NXPH1: variants seen among roughly 807,000 people sequenced by gnomAD.
The protein encoded by NXPH1 is neurexophilin-1.
NXPH1 carries 5 observed loss-of-function variants against 23.7 expected under a neutral mutation model. The observed-to-expected ratio is 0.21, with a 90% CI of 0.11 to 0.44. The LOEUF is 0.44. NXPH1 is among the 20% of genes least tolerant of loss of function. The pLI is 0.99. For missense variants in NXPH1, 324 were observed against 321.6 expected (o/e 1.01, Z -0.06); for synonymous variants, 144 against 122.2 (o/e 1.18, Z -1.18).
intron 2 of NXPH1, among the ~76,000 whole-genome samples, chr7:8,596,722 A>C (rs1235047392): frequency 6.6e-6 from 1 of 152,098 alleles, no homozygotes; most frequent in African/African-American, 2.4e-5. Context: ...AGGCACAGAG[A>C]GGTTAGGTGA....
At chr7:8,731,282 T>A (rs1480040701) in intron 2 of NXPH1, among the ~76,000 whole-genome samples, 1 of 152,308 alleles carries the variant, frequency 6.6e-6, no homozygotes, top group African/African-American at 2.4e-5. Flanking sequence ...TGCCTTTGGT[T>A]TGAATGTCCT....
chr7:8,473,750 T>TA (rs1299257227), intron 2 of NXPH1, among the ~76,000 whole-genome samples: 1 of 151,656 alleles, frequency 6.6e-6, no homozygotes, highest in African/African-American at 2.4e-5. Flanking sequence ...TTTTTTTTTT[T>TA]AAAGAGAAGG....
chr7:8,705,531 T>G (rs1359417243), intron 2 of NXPH1, among the ~76,000 whole-genome samples: 1 of 152,174 alleles, frequency 6.6e-6, no homozygotes, highest in Non-Finnish European at 1.5e-5. Flanking sequence ...TGTCCTCATT[T>G]TATTTCCTTG....
intron 2 of NXPH1, among the ~76,000 whole-genome samples, chr7:8,728,225 A>C (rs994669377): frequency 6.6e-6 from 1 of 152,202 alleles, no homozygotes; most frequent in African/African-American, 2.4e-5. Context: ...TTATCAGCTT[A>C]AGGAGATTTT....
intron 2 of NXPH1, among the ~76,000 whole-genome samples, chr7:8,474,957 T>G (rs1172012875): frequency 1.3e-5 from 2 of 152,068 alleles, no homozygotes; most frequent in East Asian, 1.9e-4. Context: ...GGCTTATGTG[T>G]GAGGACAGTC....
intron 2 of NXPH1, among the ~76,000 whole-genome samples, chr7:8,481,652 A>T (rs1817074754): frequency 6.6e-6 from 1 of 152,188 alleles, no homozygotes; most frequent in East Asian, 1.9e-4. Context: ...TCTTGCTTTA[A>T]TAACTTTAAT....
chr7:8,452,914 T>C (rs774024281), intron 2 of NXPH1, among the ~76,000 whole-genome samples: 1 of 152,110 alleles, frequency 6.6e-6, no homozygotes, highest in Non-Finnish European at 1.5e-5. Flanking sequence ...CAATGCAGAT[T>C]GCTACTTCTG....
At position 8,751,808 on chromosome 7, in the gene NXPH1, A is replaced by G. The variant is rs1358769366; in HGVS notation, c.*39A>G. On this transcript the variant is annotated 3_prime_UTR_variant, in exon 3 of 3. Coordinates refer to ENST00000405863, the MANE Select transcript of NXPH1 (RefSeq NM_152745.3). This position sits in a 1 kb window ranked among gnomAD's most constrained non-coding sequence, Gnocchi z 4.5. ...GGTGAGACTGAAGCCTGAGGAATTA[A>G]AGGTCATATGACAGGGCTGTTACCT... is the stretch of plus-strand genomic sequence containing the variant. 2 of 1,558,020 alleles carry G rather than the reference A, an allele frequency of 1.3e-6. No individual in the cohort carries two copies. The highest frequency in any genetic ancestry group is 1.7e-6 in the Non-Finnish European group (2 of 1,154,144).
chr7:8,547,420 A>T (rs1306832748), intron 2 of NXPH1, among the ~76,000 whole-genome samples: 1 of 151,416 alleles, frequency 6.6e-6, no homozygotes, highest in Admixed American at 6.6e-5. Context: ...TTGCTCAGTA[A>T]TAGAAACAGC....
intron 2 of NXPH1, among the ~76,000 whole-genome samples, chr7:8,696,680 G>C (rs928874118): frequency 6.6e-6 from 1 of 151,924 alleles, no homozygotes; most frequent in South Asian, 2.1e-4. Flanking sequence ...CAGAAAGAAG[G>C]CAAGTTGTAT....
intron 2 of NXPH1, among the ~76,000 whole-genome samples, chr7:8,707,450 G>A (rs944728043): frequency 3.9e-5 from 6 of 152,136 alleles, no homozygotes; most frequent in Non-Finnish European, 8.8e-5. Flanking sequence ...AGTTGCCAAT[G>A]CTATTATTGC....
chr7:8,632,585 C>G (rs1212381976), intron 2 of NXPH1, among the ~76,000 whole-genome samples: 1 of 152,182 alleles, frequency 6.6e-6, no homozygotes, highest in Non-Finnish European at 1.5e-5. Context: ...GGCACAGTGA[C>G]TGGAGCATGG....
intron 2 of NXPH1, among the ~76,000 whole-genome samples, chr7:8,493,090 C>G (rs1043630700): frequency 1.3e-5 from 2 of 151,976 alleles, no homozygotes; most frequent in Non-Finnish European, 2.9e-5. Context: ...CCACTCTCCT[C>G]TCGACTATCT....
At chr7:8,749,254 C>T (rs1328676737) in intron 2 of NXPH1, among the ~76,000 whole-genome samples, 5 of 152,190 alleles carry the variant, frequency 3.3e-5, no homozygotes, top group Admixed American at 2.6e-4. Context: ...ACTCAATCCT[C>T]ACAAACTTAT....
chr7:8,726,195 G>T (rs981257679), intron 2 of NXPH1, among the ~76,000 whole-genome samples: 1 of 151,798 alleles, frequency 6.6e-6, no homozygotes, highest in African/African-American at 2.4e-5. Flanking sequence ...AATACCAGTG[G>T]CTAATAGGTA....
chr7:8,652,830 T>C (rs1467479099), intron 2 of NXPH1, among the ~76,000 whole-genome samples: 1 of 152,222 alleles, frequency 6.6e-6, no homozygotes, highest in Non-Finnish European at 1.5e-5. Context: ...CCACCAACTA[T>C]GAGTAACAAT....
intron 2 of NXPH1, among the ~76,000 whole-genome samples, chr7:8,695,484 A>G (rs1423798795): frequency 1.3e-5 from 2 of 152,190 alleles, no homozygotes; most frequent in African/African-American, 4.8e-5. Flanking sequence ...TGCAATCATA[A>G]TGTTTGCTAA....
intron 2 of NXPH1, among the ~76,000 whole-genome samples, chr7:8,698,781 A>T (rs1298941880): frequency 6.6e-6 from 1 of 152,142 alleles, no homozygotes; most frequent in Admixed American, 6.5e-5. Context: ...GGCTAGATGA[A>T]ATTAGAATTG....
intron 2 of NXPH1, among the ~76,000 whole-genome samples, chr7:8,683,637 C>T (rs758446967): frequency 9.2e-5 from 14 of 152,086 alleles, no homozygotes; most frequent in Non-Finnish European, 1.2e-4. Context: ...TTAAAAATAA[C>T]CTATTTTTTT....
Sources: gnomAD v4.1 joint callset for allele counts (sites outside exome capture counted in the v4.1 genomes callset) on GRCh38, gnomAD v4.1.1 for gene constraint, Gnocchi (gnomAD v3.1) non-coding constraint, MANE v1.5 for transcripts, NCBI Gene and HGNC (gene_info 2026-07-23, HGNC 2026-07-21) for gene names.